Variants in RIT2 observed in about 807,000 individuals in gnomAD.
RIT2 encodes GTP-binding protein Rit2.
In RIT2, 24 loss-of-function variants were observed where a neutral mutation model predicts 23.7. The ratio of observed to expected loss-of-function variants is 1.01; its 90% CI spans 0.73 to 1.43. The LOEUF (loss-of-function observed/expected upper bound fraction) is 1.43, where lower values mean the gene tolerates loss of function less well. Ranked by LOEUF, RIT2 falls within the 40% of genes most tolerant of loss-of-function variation. The pLI, the probability that RIT2 is intolerant of heterozygous loss-of-function variation, is 0.00. For synonymous variants in RIT2, 107 were observed against 91.1 expected (o/e 1.17, Z -0.99); for missense variants, 236 against 266.9 (o/e 0.88, Z 0.81).
At chr18:42,830,191 A>G (rs185479850) in intron 4 of RIT2, among the ~76,000 whole-genome samples, 3 of 152,284 alleles carry the variant, frequency 2.0e-5, no homozygotes, top group Admixed American at 6.5e-5. Flanking sequence ...CACTTCTTTC[A>G]AGGTCAGGCT....
chr18:42,940,952 A>G (rs986089780), intron 3 of RIT2, among the ~76,000 whole-genome samples: 1 of 152,166 alleles, frequency 6.6e-6, no homozygotes, highest in African/African-American at 2.4e-5. Context: ...CTCTGATAGT[A>G]TAAACAAAGG....
At chr18:42,825,430 CT>C (rs1486852709) in intron 4 of RIT2, among the ~76,000 whole-genome samples, 1 of 151,630 alleles carries the variant, frequency 6.6e-6, no homozygotes, top group East Asian at 1.9e-4. Context: ...GTACTAGGAC[CT>C]ATAAAAATTT....
At chr18:42,811,056 T>C (rs1201011428) in intron 4 of RIT2, among the ~76,000 whole-genome samples, 2 of 152,016 alleles carry the variant, frequency 1.3e-5, no homozygotes, top group Non-Finnish European at 2.9e-5. Flanking sequence ...GTGCAGAAAA[T>C]TATAGATTTT....
At chr18:43,103,239 A>C (rs769467571) in intron 1 of RIT2, among the ~76,000 whole-genome samples, 3 of 151,964 alleles carry the variant, frequency 2.0e-5, no homozygotes, top group Non-Finnish European at 4.4e-5. Flanking sequence ...GCTTAGTTTT[A>C]TTTTACTACA....
chr18:42,745,280 C>G (rs192692591), intron 4 of RIT2, among the ~76,000 whole-genome samples: 1 of 152,056 alleles, frequency 6.6e-6, no homozygotes. Context: ...CCTGGCATAA[C>G]TAAGAAAAAA....
intron 4 of RIT2, among the ~76,000 whole-genome samples, chr18:42,860,269 T>C (rs1335850540): frequency 6.6e-6 from 1 of 152,178 alleles, no homozygotes. Context: ...TTTTAACAGA[T>C]ACCATGTTTC....
At chr18:42,992,012 GC>G in intron 2 of RIT2, among the ~76,000 whole-genome samples, 1 of 151,702 alleles carries the variant, frequency 6.6e-6, no homozygotes, top group African/African-American at 2.4e-5. Context: ...TTATGTCTGT[GC>G]CCCAACCCCT....
intron 4 of RIT2, among the ~76,000 whole-genome samples, chr18:42,913,754 T>G (rs188824261): frequency 6.6e-6 from 1 of 152,004 alleles, no homozygotes; most frequent in Admixed American, 6.6e-5. Flanking sequence ...TTTCAGCTAG[T>G]TAGGAGTAAC....
chr18:43,075,852 G>C (rs765005550), intron 1 of RIT2, among the ~76,000 whole-genome samples: 25 of 152,156 alleles, frequency 1.6e-4, no homozygotes, highest in Non-Finnish European at 3.7e-4. Flanking sequence ...AAAAAGGAAA[G>C]AGAAGAAAAA....
At chr18:42,787,835 GA>G (rs1472485236) in intron 4 of RIT2, among the ~76,000 whole-genome samples, 6 of 151,822 alleles carry the variant, frequency 4.0e-5, no homozygotes, top group Non-Finnish European at 7.4e-5. Context: ...AAATTATTGA[GA>G]ATTCTCTGGA....
At chr18:43,081,321 T>A (rs1392792473) in intron 1 of RIT2, among the ~76,000 whole-genome samples, 1 of 152,198 alleles carries the variant, frequency 6.6e-6, no homozygotes, top group East Asian at 1.9e-4. Context: ...ACATCATTTA[T>A]TATTTTTTAA....
At chr18:42,910,364 A>C (rs1327161321) in intron 4 of RIT2, among the ~76,000 whole-genome samples, 2 of 152,164 alleles carry the variant, frequency 1.3e-5, no homozygotes, top group Admixed American at 1.3e-4. Flanking sequence ...TGCTTCAAGC[A>C]TTATTGATAC....
chr18:43,005,572 A>G (rs185623352), intron 2 of RIT2, among the ~76,000 whole-genome samples: 113 of 151,940 alleles, frequency 7.4e-4, no homozygotes, highest in African/African-American at 2.7e-3. Context: ...ATTTTTGGCA[A>G]TGACATAAGA....
intron 4 of RIT2, among the ~76,000 whole-genome samples, chr18:42,804,123 T>G (rs1461147559): frequency 6.6e-6 from 1 of 152,192 alleles, no homozygotes; most frequent in African/African-American, 2.4e-5. Flanking sequence ...AAAATGAGAA[T>G]AAGTTTTTAA....
intron 4 of RIT2, among the ~76,000 whole-genome samples, chr18:42,885,866 T>G (rs1433294169): frequency 6.6e-6 from 1 of 152,196 alleles, no homozygotes; most frequent in Non-Finnish European, 1.5e-5. Context: ...AATGCTCCCA[T>G]TTTTTAATAA....
chr18:43,075,416 C>T (rs995164510), intron 1 of RIT2, among the ~76,000 whole-genome samples: 6 of 152,086 alleles, frequency 3.9e-5, no homozygotes, highest in African/African-American at 1.2e-4. Flanking sequence ...CCATGATTAA[C>T]TTCTTTGATA....
chr18:43,065,781 G>A (rs1279949918), intron 1 of RIT2, among the ~76,000 whole-genome samples: 2 of 152,052 alleles, frequency 1.3e-5, no homozygotes, highest in Non-Finnish European at 2.9e-5. Flanking sequence ...GTTTTATAGA[G>A]AATATAACAT....
intron 1 of RIT2, 49 bp from the exon 2 acceptor site, chr18:43,033,916 C>T (rs778722775): frequency 1.6e-5 from 21 of 1,298,924 alleles, no homozygotes; most frequent in Non-Finnish European, 2.1e-5. Context: ...ACTAATTCAT[C>T]AATAAGTTAT....
chr18:42,813,408 A>G (rs1905905987), intron 4 of RIT2, among the ~76,000 whole-genome samples: 1 of 152,178 alleles, frequency 6.6e-6, no homozygotes, highest in Non-Finnish European at 1.5e-5. Flanking sequence ...TTAGAAAAGT[A>G]TCATTGTCCA....
Sources: gnomAD v4.1 joint callset for allele counts (sites outside exome capture counted in the v4.1 genomes callset) on GRCh38, gnomAD v4.1.1 for gene constraint, MANE v1.5 for transcripts, NCBI Gene and HGNC (gene_info 2026-07-23, HGNC 2026-07-21) for gene names.